Variants in GPHN observed in about 807,000 individuals in gnomAD.
The protein encoded by GPHN is gephyrin.
GPHN carries 17 observed loss-of-function variants against 95.5 expected under a neutral mutation model. The observed-to-expected ratio is 0.18, with a 90% confidence interval of 0.12 to 0.27. The LOEUF (loss-of-function observed/expected upper bound fraction) is 0.27, where lower values mean the gene tolerates loss of function less well. Ranked by LOEUF, GPHN falls within the 10% of genes least tolerant of loss-of-function variation. The pLI is 1.00. For synonymous variants in GPHN, 320 were observed against 322.5 expected (o/e 0.99, Z 0.08); for missense variants, 660 against 978.1 (o/e 0.67, Z 4.34).
At chr14:66,519,115 A>G (rs777259225) in intron 1 of GPHN, among the ~76,000 whole-genome samples, 9 of 152,054 alleles carry the variant, frequency 5.9e-5, no homozygotes, top group Admixed American at 1.3e-4. Flanking sequence ...TTGTATGTCA[A>G]TGTAAAATAT....
At chr14:67,673,883 A>T in the GPHN span, among the ~76,000 whole-genome samples, 1 of 152,278 alleles carries the variant, frequency 6.6e-6, no homozygotes, top group African/African-American at 2.4e-5. Flanking sequence ...TCTAAATGCC[A>T]CAATCAGGTT....
chr14:66,750,378 T>TA (rs1297231736), intron 2 of GPHN, among the ~76,000 whole-genome samples: 1 of 151,908 alleles, frequency 6.6e-6, no homozygotes, highest in African/African-American at 2.4e-5. Context: ...GACATATCAC[T>TA]ACTCTCATAC....
the GPHN span, among the ~76,000 whole-genome samples, chr14:67,673,587 T>C: frequency 0.12 from 18,907 of 152,222 alleles, 1,211 homozygotes; most frequent in Admixed American, 0.14. Context: ...TAAATATATA[T>C]TAAATACATG....
At chr14:67,394,802 T>G in the GPHN span, among the ~76,000 whole-genome samples, 1 of 152,166 alleles carries the variant, frequency 6.6e-6, no homozygotes, top group Non-Finnish European at 1.5e-5. Context: ...TGTGAATGGA[T>G]TAATGGGTTA....
chr14:67,695,617 C>T, the GPHN span: 5 of 1,611,942 alleles, frequency 3.1e-6, no homozygotes, highest in African/African-American at 1.3e-5. Context: ...GAAGGCAATA[C>T]ATTTGCACAG....
the GPHN span, chr14:67,589,514 A>AGCAGCTATCTGTGAACCAG: frequency 1.0e-6 from 1 of 985,178 alleles, no homozygotes; most frequent in Non-Finnish European, 1.2e-6. Flanking sequence ...GTCAATAAAA[A>AGCAGCTATCTGTGAACCAG]GCAGCTATCT....
chr14:67,320,918 A>T, the GPHN span: 1 of 693,330 alleles, frequency 1.4e-6, no homozygotes, highest in Non-Finnish European at 2.5e-6. Flanking sequence ...AATGTTAAAC[A>T]TGTAGGCACT....
At chr14:67,403,711 C>T in the GPHN span, among the ~76,000 whole-genome samples, 2 of 152,126 alleles carry the variant, frequency 1.3e-5, no homozygotes, top group African/African-American at 4.8e-5. Context: ...ATGTTCAAAT[C>T]CTTTGACCCA....
At chr14:67,100,699 C>A (rs2077651930) in intron 12 of GPHN, among the ~76,000 whole-genome samples, 157 bp from the exon 13 acceptor site, 1 of 152,232 alleles carries the variant, frequency 6.6e-6, no homozygotes, top group Non-Finnish European at 1.5e-5. Flanking sequence ...TCAGTCGTAA[C>A]AAAGCCATTG....
chr14:67,542,799 C>T, the GPHN span, among the ~76,000 whole-genome samples: 7 of 152,166 alleles, frequency 4.6e-5, no homozygotes, highest in African/African-American at 1.4e-4. Context: ...CTCCTGGGCT[C>T]AAGCGATTCT....
chr14:67,522,923 C>T, the GPHN span, among the ~76,000 whole-genome samples: 6 of 152,184 alleles, frequency 3.9e-5, no homozygotes, highest in East Asian at 1.9e-4. Context: ...CTATCTTGTC[C>T]GGGGAATTAG....
intron 1 of GPHN, among the ~76,000 whole-genome samples, chr14:66,553,827 G>A (rs1338198515): frequency 2.0e-5 from 3 of 151,916 alleles, no homozygotes; most frequent in African/African-American, 4.8e-5. Flanking sequence ...CTCCTGCCTC[G>A]GCTTCCCAAA....
At chr14:67,479,383 C>A in the GPHN span, among the ~76,000 whole-genome samples, 1 of 149,228 alleles carries the variant, frequency 6.7e-6, no homozygotes, top group Non-Finnish European at 1.5e-5. Flanking sequence ...TGCACTCCAG[C>A]CTGGGCTACA....
At chr14:66,636,543 G>A (rs891510159) in intron 1 of GPHN, among the ~76,000 whole-genome samples, 2 of 151,966 alleles carry the variant, frequency 1.3e-5, no homozygotes, top group Non-Finnish European at 2.9e-5. Context: ...ATATTTTACT[G>A]ACTGAAATTT....
At chr14:67,053,661 AAAAG>A (rs1291512480) in intron 10 of GPHN, among the ~76,000 whole-genome samples, 1 of 152,196 alleles carries the variant, frequency 6.6e-6, no homozygotes, top group Non-Finnish European at 1.5e-5. Flanking sequence ...ATACAACAAA[AAAAG>A]AAAACTTCAG....
the GPHN span, among the ~76,000 whole-genome samples, chr14:67,259,458 A>C: frequency 6.6e-6 from 1 of 151,956 alleles, no homozygotes; most frequent in African/African-American, 2.4e-5. Context: ...TAAAAATATA[A>C]AAAATCAGCC....
chr14:67,636,014 A>G, the GPHN span, among the ~76,000 whole-genome samples: 1 of 152,104 alleles, frequency 6.6e-6, no homozygotes, highest in Admixed American at 6.6e-5. Context: ...GATTTCACTG[A>G]CTTGTTATTC....
At chr14:67,356,206 G>A in the GPHN span, among the ~76,000 whole-genome samples, 1 of 152,018 alleles carries the variant, frequency 6.6e-6, no homozygotes, top group African/African-American at 2.4e-5. Flanking sequence ...GATAACTTGA[G>A]GTCAGGAGTT....
At chr14:66,773,488 G>A (rs1199661619) in intron 2 of GPHN, among the ~76,000 whole-genome samples, 1 of 151,748 alleles carries the variant, frequency 6.6e-6, no homozygotes, top group Admixed American at 6.6e-5. Context: ...TGAGTAGCTG[G>A]GATTACGGGT....
Sources: gnomAD v4.1 joint callset for allele counts (sites outside exome capture counted in the v4.1 genomes callset) on GRCh38, gnomAD v4.1.1 for gene constraint, MANE v1.5 for transcripts, NCBI Gene and HGNC (gene_info 2026-07-23, HGNC 2026-07-21) for gene names.